ADAMTSL1: variants seen among roughly 807,000 people sequenced by gnomAD.
ADAMTSL1 encodes ADAMTS like 1, also known as ADAMTS-like protein 1.
In ADAMTSL1, 126 loss-of-function variants were observed where a neutral mutation model predicts 201.8. The ratio of observed to expected loss-of-function variants is 0.62; its 90% confidence interval spans 0.54 to 0.72. The LOEUF (loss-of-function observed/expected upper bound fraction) is 0.72, where lower values mean the gene tolerates loss of function less well. Ranked by LOEUF, ADAMTSL1 falls within the 30% of genes least tolerant of loss-of-function variation. The pLI is 0.00. For missense variants in ADAMTSL1, 2,679 were observed against 2,277.8 expected (o/e 1.18, Z -3.59); for synonymous variants, 1,121 against 903.4 (o/e 1.24, Z -4.32).
intron 2 of ADAMTSL1, among the ~76,000 whole-genome samples, chr9:18,410,060 T>C (rs1475192187): frequency 1.3e-5 from 2 of 152,006 alleles, no homozygotes; most frequent in Non-Finnish European, 2.9e-5. Flanking sequence ...TGTACACTTT[T>C]GTAGATACCC....
chr9:18,839,376 T>A (rs1825565282), intron 23 of ADAMTSL1, among the ~76,000 whole-genome samples: 1 of 152,164 alleles, frequency 6.6e-6, no homozygotes, highest in African/African-American at 2.4e-5. Flanking sequence ...TCATTTTTTA[T>A]GGCTGCATAG....
chr9:18,023,322 A>G (rs1159946565), intron 1 of ADAMTSL1, among the ~76,000 whole-genome samples: 1 of 152,112 alleles, frequency 6.6e-6, no homozygotes, highest in African/African-American at 2.4e-5. Flanking sequence ...CTGACTTCCC[A>G]GATGATGCTG....
chr9:18,574,528 T>C (rs1268255121), intron 4 of ADAMTSL1: 2 of 582,256 alleles, frequency 3.4e-6, no homozygotes, highest in Admixed American at 3.0e-5. Flanking sequence ...GAATAGTGTT[T>C]ATCAATTATG....
chr9:18,197,644 C>G (rs1461420947), intron 2 of ADAMTSL1, among the ~76,000 whole-genome samples: 4 of 149,132 alleles, frequency 2.7e-5, no homozygotes, highest in Admixed American at 6.8e-5. Flanking sequence ...ATTTGACTTC[C>G]TCTTTTCCTA....
intron 1 of ADAMTSL1, among the ~76,000 whole-genome samples, chr9:18,006,821 A>C (rs1449106243): frequency 1.3e-5 from 2 of 151,994 alleles, no homozygotes; most frequent in East Asian, 1.9e-4. Context: ...TTTGGGACTT[A>C]AGTACTAAGT....
intron 9 of ADAMTSL1, among the ~76,000 whole-genome samples, chr9:18,665,082 C>G (rs181346941): frequency 5.3e-4 from 81 of 152,064 alleles, no homozygotes; most frequent in African/African-American, 1.8e-3. Flanking sequence ...TCAGTTATGT[C>G]TAGTTGAAAA....
intron 14 of ADAMTSL1, 23 bp downstream of exon 14, chr9:18,707,071 A>G: frequency 6.2e-7 from 1 of 1,601,106 alleles, no homozygotes; most frequent in Non-Finnish European, 8.5e-7. Flanking sequence ...GCTCTGGCTC[A>G]GATCCCCGCC....
Position 18,233,616 on chromosome 9 carries a change from GCAGA to G in ADAMTSL1, c.207+69638_207+69641del, listed in dbSNP as rs553781720. 2.5e-3 allele frequency among the ~76,000 whole-genome samples: 381 copies of G among 151,480 alleles called. 2 individuals are homozygous for G. The highest frequency in any genetic ancestry group is 8.9e-3 in the African/African-American group (363 of 40,828). On this transcript the variant is annotated intron_variant, in intron 2 of 29. Transcript: ENST00000680146. ...GTAAAATTGCGAGGTGAGACAGACA[GCAGA>G]CAAAGAGATGAGAAATTGTGAAATA... is the stretch of plus-strand genomic sequence containing the variant.
intron 1 of ADAMTSL1, among the ~76,000 whole-genome samples, chr9:18,139,209 AGTTTCTGTG>A (rs1826290619): frequency 6.6e-6 from 1 of 152,126 alleles, no homozygotes; most frequent in South Asian, 2.1e-4. Context: ...TCGTCAATGT[AGTTTCTGTG>A]TTCTGTATTC....
At chr9:18,221,714 T>G (rs1830265910) in intron 2 of ADAMTSL1, among the ~76,000 whole-genome samples, 1 of 152,190 alleles carries the variant, frequency 6.6e-6, no homozygotes, top group South Asian at 2.1e-4. Context: ...AACATATTTA[T>G]CTTTTTGTTA....
chr9:18,451,014 T>G (rs1191883232), intron 2 of ADAMTSL1, among the ~76,000 whole-genome samples: 1 of 152,216 alleles, frequency 6.6e-6, no homozygotes, highest in Non-Finnish European at 1.5e-5. Flanking sequence ...CTTGGGGTCC[T>G]GAGTTTTATA....
chr9:17,976,383 GTCT>G (rs1382286110), intron 1 of ADAMTSL1, among the ~76,000 whole-genome samples: 1 of 151,854 alleles, frequency 6.6e-6, no homozygotes, highest in Admixed American at 6.6e-5. Context: ...ATTTATTTAT[GTCT>G]TCTTCAGTTT....
chr9:18,499,195 A>G (rs966419358), intron 1 of ADAMTSL1, among the ~76,000 whole-genome samples: 6 of 152,266 alleles, frequency 3.9e-5, no homozygotes, highest in Admixed American at 3.3e-4. Flanking sequence ...GATAAGAACC[A>G]GATGATCCAA....
At position 18,829,881 on chromosome 9, in the gene ADAMTSL1, G is replaced by A. The variant is rs763929443; in HGVS notation, c.4153G>A (p.Ala1385Thr). 3 of 1,613,952 alleles carry A rather than the reference G, an allele frequency of 1.9e-6. No homozygotes were observed. Among genetic ancestry groups the A allele is most frequent in the East Asian group, 2.2e-5 (1 of 44,878 alleles). Residue 1385 changes from alanine (A) to threonine (T), a missense_variant, in exon 23 of 29, where the codon GCC becomes ACC. Transcript: ENST00000380548. Reference sequence around the variant, plus strand: ...CCCCACACAGTTGGAAGACATCAGGGCCTTGCTCGCTGCCACTGGACCGAA... The same window carrying A: ...CCCCACACAGTTGGAAGACATCAGGACCTTGCTCGCTGCCACTGGACCGAA... ...QVPTQLEDIR[A>T]LLAATGPNLP...
At chr9:18,299,768 A>G (rs899897952) in intron 2 of ADAMTSL1, among the ~76,000 whole-genome samples, 1 of 152,232 alleles carries the variant, frequency 6.6e-6, no homozygotes, top group African/African-American at 2.4e-5. Flanking sequence ...CAGCTAGGCC[A>G]ATAAGAGTGG....
At chr9:18,388,768 T>C (rs1206327506) in intron 2 of ADAMTSL1, among the ~76,000 whole-genome samples, 2 of 151,714 alleles carry the variant, frequency 1.3e-5, no homozygotes, top group African/African-American at 4.8e-5. Flanking sequence ...TTTTTTTCTT[T>C]TTTTTTGAGA....
At chr9:18,084,777 G>T (rs1225898895) in intron 1 of ADAMTSL1, among the ~76,000 whole-genome samples, 2 of 149,244 alleles carry the variant, frequency 1.3e-5, no homozygotes, top group East Asian at 4.0e-4. Flanking sequence ...AGACATGAGA[G>T]TGAGCAAAAC....
chr9:18,375,309 T>C (rs192154387), intron 2 of ADAMTSL1, among the ~76,000 whole-genome samples: 1 of 152,352 alleles, frequency 6.6e-6, no homozygotes, highest in Admixed American at 6.5e-5. Context: ...ATCCTGTAAC[T>C]GATTACTGGT....
intron 2 of ADAMTSL1, among the ~76,000 whole-genome samples, chr9:18,324,127 A>G (rs1389695001): frequency 6.6e-6 from 1 of 152,240 alleles, no homozygotes; most frequent in Admixed American, 6.5e-5. Flanking sequence ...GACAAAATAG[A>G]TGAATGAAGC....
Sources: allele counts gnomAD v4.1 joint callset (sites outside exome capture counted in the v4.1 genomes callset), GRCh38; gene constraint gnomAD v4.1.1; transcripts MANE v1.5; gene names NCBI Gene and HGNC (gene_info 2026-07-23, HGNC 2026-07-21).